Variants in PCCA observed in about 807,000 individuals in gnomAD.
PCCA encodes propionyl-CoA carboxylase alpha chain, mitochondrial.
In PCCA, 74 loss-of-function variants were observed where a neutral mutation model predicts 101.3. The ratio of observed to expected loss-of-function variants is 0.73; its 90% CI spans 0.61 to 0.89. The LOEUF is 0.89. PCCA is among the 40% of genes least tolerant of loss of function. The probability of loss-of-function intolerance (pLI) is 0.00; values close to 1 mark genes in which losing one functional copy is unlikely to be tolerated. For synonymous variants in PCCA, 294 were observed against 313.6 expected, an observed-to-expected ratio of 0.94 and a Z score of 0.66; for missense variants, 891 against 907.0, an observed-to-expected ratio of 0.98 and a Z score of 0.23.
intron 8 of PCCA, among the ~76,000 whole-genome samples, chr13:100,240,008 T>C (rs1037670632): frequency 5.3e-5 from 8 of 152,162 alleles, no homozygotes; most frequent in African/African-American, 1.4e-4. Flanking sequence ...GTTCATCTTA[T>C]ATACACTGTC....
At position 100,341,957 on chromosome 13, in the gene PCCA, GTATATA is replaced by G. The variant is rs35822001; in HGVS notation, c.1643+1718_1643+1723del. ...TAATGTTTTGGTAGAACCCTTCAAA[GTATATA>G]TATATATATATATATATATGTATTT... On this transcript the variant is annotated intron_variant, in intron 18 of 23. Transcript: ENST00000376285. Among the ~76,000 whole-genome samples the G allele has an allele frequency of 1.7e-3, 184 of 107,146 alleles. 6 individuals are homozygous for G. The highest frequency in any genetic ancestry group is 6.7e-3 in the African/African-American group (157 of 23,368). 70.3% of individuals were successfully genotyped at this position (107,146 alleles called of 152,430 possible). A position where few individuals can be genotyped will look rare whatever the true frequency, so the allele number is the denominator to read the frequency against.
chr13:100,441,586 AAGG>A (rs2080372303), intron 20 of PCCA, among the ~76,000 whole-genome samples: 1 of 152,272 alleles, frequency 6.6e-6, no homozygotes, highest in Non-Finnish European at 1.5e-5. Flanking sequence ...AAGAAATAAA[AAGG>A]AATATATTAT....
At chr13:100,268,160 A>G (rs2063068851) in intron 10 of PCCA, among the ~76,000 whole-genome samples, 1 of 152,210 alleles carries the variant, frequency 6.6e-6, no homozygotes. Context: ...GGGAAAAACT[A>G]TTATGTTTGT....
chr13:100,200,077 T>A (rs1206492080), intron 6 of PCCA, among the ~76,000 whole-genome samples: 1 of 152,084 alleles, frequency 6.6e-6, no homozygotes, highest in Non-Finnish European at 1.5e-5. Context: ...TGTTTTACAT[T>A]TTCTGTTCCA....
At chr13:100,340,702 G>A (rs1391215701) in intron 18 of PCCA, among the ~76,000 whole-genome samples, 1 of 152,214 alleles carries the variant, frequency 6.6e-6, no homozygotes, top group Non-Finnish European at 1.5e-5. Context: ...TGAGACACAA[G>A]TGTGCCTTTT....
chr13:100,407,389 G>A (rs1425031483), intron 19 of PCCA, among the ~76,000 whole-genome samples: 1 of 152,110 alleles, frequency 6.6e-6, no homozygotes, highest in East Asian at 1.9e-4. Flanking sequence ...AACGTTCAAG[G>A]TTTAAATACT....
At chr13:100,247,432 G>A (rs1318217209) in intron 8 of PCCA, among the ~76,000 whole-genome samples, 1 of 150,524 alleles carries the variant, frequency 6.6e-6, no homozygotes, top group East Asian at 2.0e-4. Context: ...TAGCCAGGAT[G>A]GTCTTGATCT....
chr13:100,381,553 G>A (rs2076228789), intron 19 of PCCA, among the ~76,000 whole-genome samples: 2 of 152,194 alleles, frequency 1.3e-5, no homozygotes, highest in African/African-American at 2.4e-5. Context: ...GTTGTATCAG[G>A]AGTATTTAAT....
rs373420272 is a variant in PCCA, at chr13:100,450,228, C to G, written c.1899+923C>G. 2.7e-5 allele frequency among the ~76,000 whole-genome samples: 4 copies of G among 146,412 alleles called. No individual in the cohort carries two copies. The East Asian group carries it at 7.8e-4, about 29-fold the overall frequency. On this transcript the variant is annotated intron_variant, in intron 21 of 23. Coordinates refer to ENST00000376285, the MANE Select transcript of PCCA (RefSeq NM_000282.4). ...TGAAACCCTGTCTCTGCTAAAAATA[C>G]AAAAATTAGCCGGGTTGTGGTGGTG...
At chr13:100,349,894 A>G (rs910981832) in intron 18 of PCCA, among the ~76,000 whole-genome samples, 5 of 152,140 alleles carry the variant, frequency 3.3e-5, no homozygotes, top group Admixed American at 2.6e-4. Flanking sequence ...CTGCATTTGT[A>G]TTGTATTATC....
chr13:100,416,951 C>CTCCTGCT (rs2078413497), intron 19 of PCCA, among the ~76,000 whole-genome samples: 1 of 152,180 alleles, frequency 6.6e-6, no homozygotes, highest in African/African-American at 2.4e-5. Context: ...TCAAGCAATT[C>CTCCTGCT]TCCTGCTTCA....
intron 21 of PCCA, among the ~76,000 whole-genome samples, chr13:100,503,545 T>C (rs369905954): frequency 1.1e-4 from 17 of 151,982 alleles, no homozygotes; most frequent in African/African-American, 4.1e-4. Flanking sequence ...AAACATCTTG[T>C]GTTTAAAAGT....
intron 8 of PCCA, among the ~76,000 whole-genome samples, chr13:100,238,552 G>C (rs186281400): frequency 6.6e-6 from 1 of 152,134 alleles, no homozygotes; most frequent in East Asian, 1.9e-4. Flanking sequence ...GAGTACTGGT[G>C]TTTTGCTTAT....
intron 7 of PCCA, among the ~76,000 whole-genome samples, chr13:100,230,684 G>A (rs1430236742): frequency 6.6e-6 from 1 of 152,174 alleles, no homozygotes; most frequent in Non-Finnish European, 1.5e-5. Context: ...CTCTCAAAGT[G>A]TTCATTTGTT....
chr13:100,224,600 A>G (rs1047062187), intron 7 of PCCA, among the ~76,000 whole-genome samples: 2 of 152,330 alleles, frequency 1.3e-5, no homozygotes, highest in East Asian at 3.9e-4. Context: ...GTCACCTCTC[A>G]CTTCTTCAGG....
intron 16 of PCCA, among the ~76,000 whole-genome samples, chr13:100,326,763 T>C (rs1023513924): frequency 6.6e-6 from 1 of 152,110 alleles, no homozygotes; most frequent in African/African-American, 2.4e-5. Context: ...GAATAGTAAA[T>C]GTATTTTCTC....
At chr13:100,305,200 A>G (rs569890754) in intron 14 of PCCA, among the ~76,000 whole-genome samples, 6 of 152,312 alleles carry the variant, frequency 3.9e-5, no homozygotes, top group African/African-American at 1.4e-4. Context: ...TGCTTATACA[A>G]AGATACGTGT....
At chr13:100,456,612 G>A (rs993617608) in intron 21 of PCCA, among the ~76,000 whole-genome samples, 26 of 151,902 alleles carry the variant, frequency 1.7e-4, no homozygotes, top group Admixed American at 1.4e-3. Flanking sequence ...CAAGTCACGT[G>A]ATCGTAGAAC....
intron 21 of PCCA, among the ~76,000 whole-genome samples, chr13:100,474,505 A>G (rs190909657): frequency 6.7e-6 from 1 of 149,896 alleles, no homozygotes; most frequent in Admixed American, 6.6e-5. Flanking sequence ...TCTCATATTG[A>G]GACAGGATCT....
Sources: gnomAD v4.1 joint callset for allele counts (sites outside exome capture counted in the v4.1 genomes callset) on GRCh38, gnomAD v4.1.1 for gene constraint, MANE v1.5 for transcripts, NCBI Gene and HGNC (gene_info 2026-07-23, HGNC 2026-07-21) for gene names.